KCNMA1: variants seen among roughly 807,000 people sequenced by gnomAD.
KCNMA1 encodes the protein potassium calcium-activated channel subfamily M alpha 1, also known as Calcium-activated potassium channel subunit alpha-1.
Under a neutral mutation model 140.0 loss-of-function variants are expected in KCNMA1, and 29 were observed. The ratio of observed to expected loss-of-function variants is 0.21; its 90% CI spans 0.15 to 0.28. The LOEUF is 0.28. Among genes scored for constraint, KCNMA1 ranks in the 10% least tolerant of loss-of-function variants. KCNMA1 has a pLI of 1.00. For missense variants in KCNMA1, 880 were observed against 1,602.2 expected, an observed-to-expected ratio of 0.55 and a Z score of 7.70; for synonymous variants, 612 against 611.9, an observed-to-expected ratio of 1.00 and a Z score of 0.00.
At chr10:76,923,856 T>A (rs933741597) in intron 23 of KCNMA1, among the ~76,000 whole-genome samples, 15 of 151,812 alleles carry the variant, frequency 9.9e-5, no homozygotes, top group Non-Finnish European at 2.2e-4. Context: ...CACAAAAAAA[T>A]TAGCTGGGCA....
chr10:77,139,998 G>A (rs974914000), intron 5 of KCNMA1, among the ~76,000 whole-genome samples: 1 of 152,098 alleles, frequency 6.6e-6, no homozygotes, highest in African/African-American at 2.4e-5. Context: ...CTATTACATC[G>A]TTTGCCAAAC....
chr10:77,544,764 T>C lies in KCNMA1; in HGVS notation c.378+92501A>G, dbSNP rs1477875847. 3.9e-5 allele frequency among the ~76,000 whole-genome samples: 6 copies of C among 152,342 alleles called. No individual in the cohort carries two copies. In the South Asian group the frequency reaches 8.3e-4, roughly 21 times the overall value. On this transcript the variant is annotated intron_variant, in intron 1 of 27. Coordinates refer to ENST00000286628, the MANE Select transcript of KCNMA1 (RefSeq NM_001161352.2). The stretch of plus-strand genomic sequence containing the variant: ...TGCAGAGCTGGGCTTCAGCTTTTCA[T>C]TGTGGTTGAATACAAAGCCTGTGTT...
chr10:77,390,022 G>C (rs999008146), intron 2 of KCNMA1, among the ~76,000 whole-genome samples: 9 of 152,198 alleles, frequency 5.9e-5, no homozygotes, highest in African/African-American at 2.2e-4. Context: ...AGTTCTCCTG[G>C]TGCCTAGCAC....
chr10:77,256,960 T>C (rs2060904303), intron 2 of KCNMA1, among the ~76,000 whole-genome samples: 5 of 152,024 alleles, frequency 3.3e-5, no homozygotes, highest in Non-Finnish European at 1.5e-5. Flanking sequence ...TTTAAAAAAA[T>C]TATCCAGGCA....
chr10:77,103,502 T>C (rs968441586), intron 9 of KCNMA1, among the ~76,000 whole-genome samples: 12 of 152,344 alleles, frequency 7.9e-5, no homozygotes, highest in Admixed American at 7.2e-4. Flanking sequence ...TGGTTCCATC[T>C]GCAAGGGTAT....
At chr10:77,087,059 C>G (rs1260761436) in intron 10 of KCNMA1, among the ~76,000 whole-genome samples, 3 of 152,162 alleles carry the variant, frequency 2.0e-5, no homozygotes, top group Non-Finnish European at 4.4e-5. Context: ...TGGGCATCAT[C>G]CAGTCCTTTG....
chr10:76,920,020 G>GTATATATATATATATATATA (rs1169838049), intron 23 of KCNMA1, among the ~76,000 whole-genome samples: 38 of 34,426 alleles, frequency 1.1e-3, no homozygotes, highest in Admixed American at 3.4e-3. Flanking sequence ...GTGTGTGTGT[G>GTATATATATATATATATATA]TATATATATA....
intron 14 of KCNMA1, chr10:77,063,988 G>A: frequency 4.1e-6 from 4 of 985,340 alleles, no homozygotes; most frequent in Non-Finnish European, 4.8e-6. Context: ...GCTTCTACTG[G>A]ATTTTCGCAT....
downstream of KCNMA1, chr10:76,883,934 C>T (rs904708454): frequency 1.2e-6 from 1 of 860,214 alleles, no homozygotes; most frequent in East Asian, 1.2e-4. Context: ...TAGTAATGAT[C>T]CTTCTCCATC....
chr10:77,426,904 G>A (rs896917675), intron 1 of KCNMA1, among the ~76,000 whole-genome samples: 5 of 152,158 alleles, frequency 3.3e-5, no homozygotes, highest in African/African-American at 9.7e-5. Context: ...ATTTTACATC[G>A]TGACCCACAC....
At chr10:76,945,937 G>A (rs2063821720) in intron 22 of KCNMA1, among the ~76,000 whole-genome samples, 1 of 152,092 alleles carries the variant, frequency 6.6e-6, no homozygotes. Context: ...GATTCGTGGG[G>A]GTGAGGGGAA....
In KCNMA1 at chr10:77,456,805, G is replaced by A. The variant is rs1403128824; in HGVS notation, c.379-52782C>T. On this transcript the variant is annotated intron_variant, in intron 1 of 27. Coordinates refer to ENST00000286628, the MANE Select transcript of KCNMA1 (RefSeq NM_001161352.2). ...GATGGGACACAGTTGATTCTGGAGAGGCAGGGAACAGACAGGGGACTCTCC... is the reference window on the plus strand; with the variant it reads ...GATGGGACACAGTTGATTCTGGAGAAGCAGGGAACAGACAGGGGACTCTCC... 3.9e-5 allele frequency among the ~76,000 whole-genome samples: 6 copies of A among 152,206 alleles called. 1 individual carries two copies. Among genetic ancestry groups the A allele is most frequent in the Non-Finnish European group, 7.3e-5 (5 of 68,028 alleles).
chr10:76,910,192 C>T (rs141013244), intron 24 of KCNMA1, 96 bp from the exon 25 acceptor site: 1 of 1,394,610 alleles, frequency 7.2e-7, no homozygotes. Context: ...ATACTGAAGT[C>T]ATTGAGAAGG....
intron 1 of KCNMA1, chr10:77,636,380 G>A (rs12240748): frequency 1.2e-5 from 18 of 1,535,100 alleles, no homozygotes; most frequent in Admixed American, 2.0e-5. Context: ...GTCTGCACCA[G>A]GAATAGCTAA....
At chr10:77,608,639 G>A (rs558080063) in intron 1 of KCNMA1, among the ~76,000 whole-genome samples, 2 of 152,308 alleles carry the variant, frequency 1.3e-5, no homozygotes, top group African/African-American at 4.8e-5. Context: ...AGTCACTGAT[G>A]ATGGAATTGC....
At chr10:76,907,285 C>A (rs2048188856) in intron 25 of KCNMA1, among the ~76,000 whole-genome samples, 1 of 152,196 alleles carries the variant, frequency 6.6e-6, no homozygotes, top group South Asian at 2.1e-4. Flanking sequence ...AATTTCAAAT[C>A]AATTCACTTT....
intron 1 of KCNMA1, among the ~76,000 whole-genome samples, chr10:77,606,342 G>A (rs1170446675): frequency 1.3e-5 from 2 of 152,174 alleles, no homozygotes. Context: ...CCTCAAAAAG[G>A]CATCTTTGGC....
At chr10:76,923,568 T>G (rs1221685995) in intron 23 of KCNMA1, among the ~76,000 whole-genome samples, 1 of 152,206 alleles carries the variant, frequency 6.6e-6, no homozygotes, top group African/African-American at 2.4e-5. Context: ...AACTACAGAT[T>G]TGGAGAGAAA....
chr10:76,882,179 G>A (rs1003277102), downstream of KCNMA1, among the ~76,000 whole-genome samples: 1 of 152,164 alleles, frequency 6.6e-6, no homozygotes, highest in Non-Finnish European at 1.5e-5. Flanking sequence ...TGGCTCTGTG[G>A]GTTGTCAGTG....
Sources: gnomAD v4.1 joint callset for allele counts (sites outside exome capture counted in the v4.1 genomes callset) on GRCh38, gnomAD v4.1.1 for gene constraint, MANE v1.5 for transcripts, NCBI Gene and HGNC (gene_info 2026-07-23, HGNC 2026-07-21) for gene names.